NPIPB15: variants seen among roughly 807,000 people sequenced by gnomAD.
NPIPB15 encodes the protein nuclear pore complex interacting protein family member B15.
Under a neutral mutation model 35.9 loss-of-function variants are expected in NPIPB15, and 5 were observed. The ratio of observed to expected loss-of-function variants is 0.14; its 90% CI spans 0.07 to 0.29. The LOEUF (loss-of-function observed/expected upper bound fraction) is 0.29. Ranked by LOEUF, NPIPB15 falls within the 10% of genes least tolerant of loss-of-function variation. The pLI, the probability that NPIPB15 is intolerant of heterozygous loss-of-function variation, is 1.00. For synonymous variants in NPIPB15, 43 were observed against 182.0 expected (o/e 0.24, Z 6.15); for missense variants, 100 against 506.1 (o/e 0.20, Z 7.70).
rs1002812313 is a variant in NPIPB15, at chr16:74,387,513, T to C, written c.545+1764T>C. Reference sequence around the variant, plus strand: ...ATTGTTCTCATCGGAGATCAGAAGCTTCAGATGCACTTATGTCAACTCAAG... The same window carrying C: ...ATTGTTCTCATCGGAGATCAGAAGCCTCAGATGCACTTATGTCAACTCAAG... On this transcript the variant is annotated intron_variant, in intron 5 of 7. Coordinates refer to ENST00000692376, the MANE Select transcript of NPIPB15 (RefSeq NM_001306094.2). Among the ~76,000 whole-genome samples the C allele has an allele frequency of 2.7e-5, 4 of 147,502 alleles. No homozygotes were observed. The Admixed American group carries it at 2.7e-4, about 10-fold the overall frequency.
At chr16:74,380,755 C>T (rs1386475318) in intron 2 of NPIPB15, among the ~76,000 whole-genome samples, 2 of 150,726 alleles carry the variant, frequency 1.3e-5, no homozygotes, top group African/African-American at 4.9e-5. Context: ...ACCTGAGAGG[C>T]AGAGGTTGCA....
intron 2 of NPIPB15, among the ~76,000 whole-genome samples, chr16:74,379,362 T>C (rs2011857534): frequency 6.6e-6 from 1 of 152,208 alleles, no homozygotes. Context: ...GGGCTATCTC[T>C]GTTTAATTCA....
chr16:74,384,151 ACT>A (rs1290401637), intron 3 of NPIPB15, among the ~76,000 whole-genome samples: 1 of 107,932 alleles, frequency 9.3e-6, no homozygotes, highest in Non-Finnish European at 1.8e-5. Flanking sequence ...GGGAAAGTGA[ACT>A]CTGAGTAGAG....
chr16:74,382,368 AACTGC>A (rs1720540761), intron 3 of NPIPB15, among the ~76,000 whole-genome samples: 1 of 147,286 alleles, frequency 6.8e-6, no homozygotes, highest in Non-Finnish European at 1.5e-5. Flanking sequence ...TGAAGGGCAG[AACTGC>A]ACTGCGTCTC....
intron 3 of NPIPB15, among the ~76,000 whole-genome samples, chr16:74,385,039 G>C (rs1442130928): frequency 1.4e-5 from 2 of 141,530 alleles, no homozygotes; most frequent in African/African-American, 5.3e-5. Context: ...GTGTGTGACA[G>C]AGTCTCATTC....
intron 3 of NPIPB15, among the ~76,000 whole-genome samples, chr16:74,384,504 G>A (rs1166934073): frequency 1.9e-5 from 2 of 105,780 alleles, no homozygotes; most frequent in Non-Finnish European, 3.7e-5. Flanking sequence ...GAGTAGCTGG[G>A]ACTACAGGCG....
Position 74,389,999 on chromosome 16 carries a change from C to T in NPIPB15, c.611C>T (p.Pro204Leu). 6.3e-7 allele frequency: 1 copy of T among 1,597,100 alleles called. No homozygotes were observed. The highest frequency in any genetic ancestry group is 2.2e-5 in the East Asian group (1 of 44,624). Residue 204 changes from proline to leucine, a missense_variant, in exon 7 of 8, where the codon CCC (proline) becomes CTC (leucine). Pro to Leu is a moderately conservative substitution (Grantham distance 98). Transcript: ENST00000692376. ...CTCATGTGTTGGCTTTTTCAGATCC[C>T]CCCTTCTGCAAGAAAGCCTCTTTGC... is the stretch of plus-strand genomic sequence containing the variant. ...RAEDYHKCKI[P>L]PSARKPLCNW...
chr16:74,381,547 G>T lies in NPIPB15; in HGVS notation c.98G>T (p.Arg33Leu), dbSNP rs761279319. 6.3e-7 allele frequency: 1 copy of T among 1,590,360 alleles called. No individual in the cohort carries two copies. The highest frequency in any genetic ancestry group is 1.3e-5 in the African/African-American group (1 of 74,684). The change falls in exon 3 of 8, where the codon CGT (arginine) becomes CTT (leucine). Residue 33 changes from arginine (R) to leucine (L), a missense_variant. Physicochemically the swap from Arg to Leu is moderately radical, Grantham distance 102. Coordinates refer to ENST00000692376, the MANE Select transcript of NPIPB15 (RefSeq NM_001306094.2). ...AATAGTCTGGCTGTCTATCGTCATCGTGAGACTGACTTTGGTGTAGGAGTT... is the reference window on the plus strand; with the variant it reads ...AATAGTCTGGCTGTCTATCGTCATCTTGAGACTGACTTTGGTGTAGGAGTT... Reference protein sequence around the residue: ...VINSLAVYRHRETDFGVGVRD... With the variant: ...VINSLAVYRHLETDFGVGVRD...
At chr16:74,384,861 A>C (rs1331837427) in intron 3 of NPIPB15, among the ~76,000 whole-genome samples, 3 of 150,258 alleles carry the variant, frequency 2.0e-5, no homozygotes, top group Non-Finnish European at 4.4e-5. Flanking sequence ...TTGTATTTTT[A>C]GCAGAGACAG....
rs917759023 is a variant in NPIPB15 at position 74,376,402 on chromosome 16, G to A, written c.-967G>A. Reference sequence around the variant, plus strand: ...GGGCCAGGAAAGGTGATGGACAGTGGGGGTCTGTCCTGGTCACCAGACCCC... The same window carrying A: ...GGGCCAGGAAAGGTGATGGACAGTGAGGGTCTGTCCTGGTCACCAGACCCC... On this transcript the variant is annotated 5_prime_UTR_variant, in exon 1 of 8. Transcript: ENST00000692376. Among the ~76,000 whole-genome samples the A allele has an allele frequency of 1.3e-5, 2 of 151,320 alleles. No individual in the cohort carries two copies. Among genetic ancestry groups the A allele is most frequent in the Admixed American group, 1.3e-4 (2 of 14,998 alleles).
intron 3 of NPIPB15, among the ~76,000 whole-genome samples, chr16:74,382,527 A>G (rs1356872329): frequency 6.6e-6 from 1 of 152,264 alleles, no homozygotes; most frequent in Non-Finnish European, 1.5e-5. Context: ...CAGTATGTCA[A>G]AAGTCTGTAC....
At chr16:74,377,669 G>A (rs981042391) in intron 1 of NPIPB15, among the ~76,000 whole-genome samples, 4 of 151,784 alleles carry the variant, frequency 2.6e-5, no homozygotes, top group African/African-American at 9.7e-5. Context: ...CAGCGCTTGA[G>A]AACTTAATTT....
intron 2 of NPIPB15, among the ~76,000 whole-genome samples, chr16:74,379,043 G>T (rs1382278793): frequency 2.0e-5 from 3 of 152,186 alleles, no homozygotes; most frequent in African/African-American, 7.2e-5. Context: ...CAGGTGATCC[G>T]CCCGCCTTGG....
At chr16:74,379,845 C>T (rs1203920958) in intron 2 of NPIPB15, among the ~76,000 whole-genome samples, 17 of 152,082 alleles carry the variant, frequency 1.1e-4, no homozygotes, top group African/African-American at 3.9e-4. Flanking sequence ...ACCTCGGCTT[C>T]CCAAAGTGCT....
intron 3 of NPIPB15, among the ~76,000 whole-genome samples, chr16:74,384,991 T>TTGTGTGTGTGTGTG (rs199888896): frequency 3.2e-5 from 3 of 93,482 alleles, no homozygotes; most frequent in African/African-American, 4.4e-5. Context: ...CATGTCATTC[T>TTGTGTGTGTGTGTG]TGTGTGTGTG....
chr16:74,389,486 C>T (rs1485112424), intron 5 of NPIPB15, among the ~76,000 whole-genome samples: 3 of 146,500 alleles, frequency 2.0e-5, no homozygotes, highest in African/African-American at 5.0e-5. Flanking sequence ...GATTCCCCTG[C>T]CTCAGCCTCC....
chr16:74,386,705 C>T (rs1380952252), intron 5 of NPIPB15, among the ~76,000 whole-genome samples: 1 of 152,054 alleles, frequency 6.6e-6, no homozygotes, highest in African/African-American at 2.4e-5. Context: ...GATCCACATA[C>T]CTCGGCCTCC....
At position 74,376,679 on chromosome 16, in the gene NPIPB15, G is replaced by A. The variant is rs1263609366; in HGVS notation, c.-690G>A. ...ATTATAGATAAGGACATCATCACTCGGTTTCAGATGTTAAAATGTCTAGGT... is the reference window on the plus strand; with the variant it reads ...ATTATAGATAAGGACATCATCACTCAGTTTCAGATGTTAAAATGTCTAGGT... On this transcript the variant is annotated 5_prime_UTR_variant, in exon 1 of 8. Coordinates refer to ENST00000692376, the MANE Select transcript of NPIPB15 (RefSeq NM_001306094.2). Among the ~76,000 whole-genome samples the A allele has an allele frequency of 4.6e-5, 7 of 152,246 alleles. No homozygotes were observed. Among genetic ancestry groups the A allele is most frequent in the East Asian group, 1.9e-4 (1 of 5,184 alleles).
intron 2 of NPIPB15, among the ~76,000 whole-genome samples, chr16:74,379,762 T>C (rs1178567942): frequency 1.8e-4 from 27 of 152,030 alleles, no homozygotes; most frequent in African/African-American, 5.6e-4. Flanking sequence ...GCTAATTTTT[T>C]GTAATTTTAG....
Sources: gnomAD v4.1 joint callset for allele counts (sites outside exome capture counted in the v4.1 genomes callset) on GRCh38, gnomAD v4.1.1 for gene constraint, MANE v1.5 for transcripts, NCBI Gene and HGNC (gene_info 2026-07-23, HGNC 2026-07-21) for gene names.